MCM2: variants seen among roughly 807,000 people sequenced by gnomAD.
MCM2 encodes DNA replication licensing factor MCM2.
In MCM2, 49 loss-of-function variants were observed where a neutral mutation model predicts 86.4. The observed-to-expected ratio is 0.57, with a 90% CI of 0.45 to 0.72. The LOEUF is 0.72. MCM2 is among the 30% of genes least tolerant of loss of function. The probability of loss-of-function intolerance (pLI) is 0.00; values close to 1 mark genes in which losing one functional copy is unlikely to be tolerated. For missense variants in MCM2, 1,038 were observed against 1,259.9 expected, an observed-to-expected ratio of 0.82 and a Z score of 2.67; for synonymous variants, 475 against 484.6, an observed-to-expected ratio of 0.98 and a Z score of 0.26.
In MCM2 at chr3:127,606,444, A is replaced by AG; in HGVS notation, c.893+108dup. ...TGTGGGCGGGGAGGGTGCAGCCAGC[A>AG]GCATCCTCATCGCAGGTGAGTTGTG... is the stretch of plus-strand genomic sequence containing the variant. On this transcript the variant is annotated intron_variant, in intron 5 of 15. Transcript: ENST00000265056. The surrounding 1 kb of genome is among the most constrained non-coding windows in gnomAD (Gnocchi z 4.2). The AG allele has an allele frequency of 1.6e-6, 2 of 1,243,874 alleles. No individual in the cohort carries two copies. The highest frequency in any genetic ancestry group is 1.3e-5 in the South Asian group (1 of 75,376). The allele number at this position is 1,243,874 out of a possible 1,614,324, so 77.1% of individuals were successfully genotyped here.
In MCM2 at chr3:127,615,781, G is replaced by A. The variant is rs968807975; in HGVS notation, c.1429-81G>A. On this transcript the variant is annotated intron_variant, in intron 8 of 15. Transcript: ENST00000265056. ...GTGTCTTTGAGCTGGGGATGTCGTG[G>A]TTCCCTGATGCCAGAGCATGTGGGT... is the stretch of plus-strand genomic sequence containing the variant. The A allele has an allele frequency of 3.0e-6, 3 of 999,722 alleles. No individual in the cohort carries two copies. In the African/African-American group the frequency reaches 4.7e-5, roughly 16 times the overall value. 61.9% of individuals were successfully genotyped at this position (999,722 alleles called of 1,614,324 possible).
In MCM2 at chr3:127,620,724, G is replaced by GCGGCA. The variant is rs1559868288; in HGVS notation, c.2294_2298dup (p.Ile767GlyfsTer6). ...CGACAGGCAGCATCCCCATTACGGTGCGGCACATCGAGTCCATGATCCGCA... is the reference window on the plus strand; with the variant it reads ...CGACAGGCAGCATCCCCATTACGGTGCGGCACGGCACATCGAGTCCATGATCCGCA... On this transcript the variant is annotated frameshift_variant, in exon 14 of 16. Coordinates refer to ENST00000265056, the MANE Select transcript of MCM2 (RefSeq NM_004526.4). LOFTEE classifies it high-confidence loss of function. 6.2e-7 allele frequency: 1 copy of GCGGCA among 1,608,104 alleles called. No individual in the cohort carries two copies.
chr3:127,620,866 C>T lies in MCM2; in HGVS notation c.2434C>T (p.Arg812Cys), dbSNP rs766565920. The T allele has an allele frequency of 7.5e-6, 12 of 1,606,592 alleles. No homozygotes were observed. The highest frequency in any genetic ancestry group is 2.7e-5 in the African/African-American group (2 of 74,832). The change falls in exon 14 of 16, where the codon CGC (arginine) becomes TGC (cysteine). Residue 812 changes from arginine (R) to cysteine (C), a missense_variant. Around this residue, in one of 4 missense-constraint regions of MCM2, gnomAD observed 336 missense variants for 425.7 expected, o/e 0.79. Transcript: ENST00000265056. ...AGACACACAGAAGTTCAGCGTCATG[C>T]GCAGCATGCGCAAGGTGGGTGTGCT... ...FIDTQKFSVM[R>C]SMRKTFARYL...
At chr3:127,605,687 G>A (rs530339600) in intron 4 of MCM2, among the ~76,000 whole-genome samples, 9 of 151,978 alleles carry the variant, frequency 5.9e-5, no homozygotes, top group Admixed American at 5.9e-4. Context: ...TGATTTGCCC[G>A]CCTTGGCCTC....
Position 127,617,160 on chromosome 3 carries a change from G to T in MCM2, c.1773+42G>T, listed in dbSNP as rs1207070840. The T allele has an allele frequency of 1.2e-6, 2 of 1,607,596 alleles. No individual in the cohort carries two copies. The highest frequency in any genetic ancestry group is 1.7e-6 in the Non-Finnish European group (2 of 1,175,814). On this transcript the variant is annotated intron_variant, in intron 10 of 15. Coordinates refer to ENST00000265056, the MANE Select transcript of MCM2 (RefSeq NM_004526.4). The surrounding 1 kb of genome is among the most constrained non-coding windows in gnomAD (Gnocchi z 4.1). ...CGGAGGCTGGTGGAACTCAGGGGGT[G>T]TGTGTGGGCTTGGGCCTTAGCGACG...
Position 127,621,204 on chromosome 3 carries a change from C to G in MCM2, c.2580C>G (p.Val860=), listed in dbSNP as rs377692299. 1.6e-5 allele frequency: 26 copies of G among 1,613,980 alleles called. No homozygotes were observed. In the African/African-American group the frequency reaches 3.5e-4, roughly 22 times the overall value. Residue 860 remains valine, a synonymous_variant, in exon 15 of 16, where the codon GTC becomes GTG. Coordinates refer to ENST00000265056, the MANE Select transcript of MCM2 (RefSeq NM_004526.4). ...RFGAQQDTIE[V]PEKDLVDKAR... is the part of the protein sequence containing the mutation. ...GGGCCCAGCAGGACACTATTGAGGTCCCTGAGAAGGACTTGGTGGATAAGG... is the reference window on the plus strand; with the variant it reads ...GGGCCCAGCAGGACACTATTGAGGTGCCTGAGAAGGACTTGGTGGATAAGG...
chr3:127,603,085 C>T (rs1471653514), intron 2 of MCM2, among the ~76,000 whole-genome samples: 3 of 150,850 alleles, frequency 2.0e-5, no homozygotes, highest in Non-Finnish European at 4.4e-5. Flanking sequence ...GATCTCGGCT[C>T]ACTGCAACCT....
At chr3:127,608,342 G>A (rs753602356) in intron 6 of MCM2, 40 bp from the exon 7 acceptor site, 1 of 1,608,104 alleles carries the variant, frequency 6.2e-7, no homozygotes, top group Non-Finnish European at 8.5e-7. Context: ...AGGTGACATA[G>A]TAAGTCAGTG....
Position 127,617,504 on chromosome 3 carries a change from G to A in MCM2, c.1900+99G>A. On this transcript the variant is annotated intron_variant, in intron 11 of 15. Transcript: ENST00000265056. This position sits in a 1 kb window ranked among gnomAD's most constrained non-coding sequence, Gnocchi z 4.1. ...ACGGGGTCCCCAGGAGCCGATCTGA[G>A]GAAGTCATTGTGCAGCAGAGGGTTC... 1 of 1,422,164 alleles carries A rather than the reference G, an allele frequency of 7.0e-7. No homozygotes were observed. The allele number at this position is 1,422,164 out of a possible 1,614,324, so 88.1% of individuals were successfully genotyped here.
Position 127,620,733 on chromosome 3 carries a change from C to A in MCM2, c.2301C>A (p.Ile767=), listed in dbSNP as rs575627406. 12 of 1,610,412 alleles carry A rather than the reference C, an allele frequency of 7.5e-6. No homozygotes were observed. The highest frequency in any genetic ancestry group is 1.0e-5 in the Non-Finnish European group (12 of 1,177,322). The stretch of plus-strand genomic sequence containing the variant: ...GCATCCCCATTACGGTGCGGCACAT[C>A]GAGTCCATGATCCGCATGGCGGAGG... ...TGSIPITVRH[I]ESMIRMAEAH... is the part of the protein sequence containing the mutation. The change falls in exon 14 of 16, where the codon ATC becomes ATA. Residue 767 remains isoleucine (I), a synonymous_variant. Coordinates refer to ENST00000265056, the MANE Select transcript of MCM2 (RefSeq NM_004526.4).
At position 127,614,423 on chromosome 3, in the gene MCM2, C is replaced by T. The variant is rs554745017; in HGVS notation, c.1429-1439C>T. Among the ~76,000 whole-genome samples, 4 of 152,262 alleles carry T rather than the reference C, an allele frequency of 2.6e-5. No individual in the cohort carries two copies. In the East Asian group the frequency reaches 7.7e-4, roughly 29 times the overall value. On this transcript the variant is annotated intron_variant, in intron 8 of 15. Transcript: ENST00000265056. ...CTTGGAGTCATTATCCAAATAAGAT[C>T]CATAAGTTGTGATTGGTTGATATCT...
At chr3:127,599,072 GGTGA>G (rs1191791247) in intron 1 of MCM2, 8 of 571,712 alleles carry the variant, frequency 1.4e-5, no homozygotes, top group Non-Finnish European at 2.5e-5. Flanking sequence ...CGGTGATGTG[GGTGA>G]CCCCGATATT....
intron 8 of MCM2, chr3:127,610,635 G>T (rs1001148080): frequency 5.5e-5 from 21 of 381,280 alleles, no homozygotes; most frequent in African/African-American, 4.4e-4. Context: ...AAGTAGGCAG[G>T]GTAGTTTTGT....
At chr3:127,598,562 CGCTCTGGGTGAGGCTGGGCCCCAG>C (rs1283209127) in intron 1 of MCM2, 90 bp downstream of exon 1, 110 of 1,520,192 alleles carry the variant, frequency 7.2e-5, no homozygotes, top group Non-Finnish European at 9.1e-5. Flanking sequence ...CCCAGGGCGG[CGCTCTGGGTGAGGCTGGGCCCCAG>C]GCTCTGGGGC....
Position 127,608,497 on chromosome 3 carries a change from GC to G in MCM2, c.1218del (p.Cys406Ter), listed in dbSNP as rs1408698665. On this transcript the variant is annotated frameshift_variant, in exon 7 of 16. Coordinates refer to ENST00000265056, the MANE Select transcript of MCM2 (RefSeq NM_004526.4). LOFTEE classifies it high-confidence loss of function. Reference sequence around the variant, plus strand: ...CTCCTCGCAGATCTGGTGGACAGCTGCAAGCCAGGAGACGAGATAGTAAGTG... The same window carrying G: ...CTCCTCGCAGATCTGGTGGACAGCTGAAGCCAGGAGACGAGATAGTAAGTG... ...AILLADLVDSCKPGDEIELTG... is the reference protein window; with the variant it reads ...AILLADLVDSXKPGDEIELTG... The G allele has an allele frequency of 6.2e-7, 1 of 1,614,222 alleles. No individual in the cohort carries two copies.
intron 8 of MCM2, among the ~76,000 whole-genome samples, chr3:127,610,053 AG>A (rs1294286298): frequency 1.3e-5 from 2 of 151,982 alleles, no homozygotes; most frequent in African/African-American, 4.8e-5. Context: ...CATGTTGGCC[AG>A]GCTGGTCTCG....
intron 13 of MCM2, among the ~76,000 whole-genome samples, chr3:127,619,713 T>C (rs2074461908): frequency 6.6e-6 from 1 of 151,824 alleles, no homozygotes; most frequent in South Asian, 2.1e-4. Context: ...TTGGGTACAG[T>C]GATTCATGCC....
rs377737717 is a variant in MCM2 at position 127,616,935 on chromosome 3, G to A, written c.1590G>A (p.Ser530=). The A allele has an allele frequency of 1.8e-4, 296 of 1,614,036 alleles. No individual in the cohort carries two copies. Among genetic ancestry groups the A allele is most frequent in the Middle Eastern group, 3.3e-4 (2 of 6,082 alleles). Reference sequence around the variant, plus strand: ...GCGGAGACCCTGGCACAGCGAAGTCGCAGTTTCTCAAGTATATTGAGAAAG... The same window carrying A: ...GCGGAGACCCTGGCACAGCGAAGTCACAGTTTCTCAAGTATATTGAGAAAG... ...LLCGDPGTAK[S]QFLKYIEKVS... Residue 530 remains serine, a synonymous_variant, in exon 10 of 16, where the codon TCG becomes TCA. Transcript: ENST00000265056.
intron 2 of MCM2, among the ~76,000 whole-genome samples, chr3:127,602,438 G>A (rs2074312562): frequency 6.6e-6 from 1 of 152,126 alleles, no homozygotes; most frequent in African/African-American, 2.4e-5. Flanking sequence ...AGAATTCAAG[G>A]GGATTGTCTT....
Sources: allele counts gnomAD v4.1 joint callset (sites outside exome capture counted in the v4.1 genomes callset), GRCh38; gene constraint gnomAD v4.1.1; regional missense constraint gnomAD v4.1.1; non-coding constraint Gnocchi (gnomAD v3.1); transcripts MANE v1.5; gene names NCBI Gene and HGNC (gene_info 2026-07-23, HGNC 2026-07-21).